NIPAL4: variants seen among roughly 807,000 people sequenced by gnomAD.
The protein encoded by NIPAL4 is NIPA like domain containing 4.
Under a neutral mutation model 31.6 loss-of-function variants are expected in NIPAL4, and 21 were observed. The observed-to-expected ratio is 0.67, with a 90% CI of 0.47 to 0.96. The LOEUF (loss-of-function observed/expected upper bound fraction) is 0.96. Among genes scored for constraint, NIPAL4 ranks in the 40% least tolerant of loss-of-function variants. The pLI is 0.00. For synonymous variants in NIPAL4, 175 were observed against 211.1 expected, an observed-to-expected ratio of 0.83 and a Z score of 1.48; for missense variants, 438 against 508.0, an observed-to-expected ratio of 0.86 and a Z score of 1.32.
chr5:157,468,691 T>C (rs749741705), intron 3 of NIPAL4, 31 bp from the exon 4 acceptor site: 5 of 1,350,294 alleles, frequency 3.7e-6, no homozygotes, highest in South Asian at 3.5e-5. Context: ...TTCTGCGCCA[T>C]GCTAGCCTCT....
In NIPAL4 at chr5:157,468,726, T is replaced by G; in HGVS notation, c.339T>G (p.Ala113=). 1 of 1,608,854 alleles carries G rather than the reference T, an allele frequency of 6.2e-7. No homozygotes were observed. The highest frequency in any genetic ancestry group is 8.5e-7 in the Non-Finnish European group (1 of 1,175,346). Residue 113 remains alanine, a synonymous_variant, in exon 4 of 6, where the codon GCT becomes GCG. Transcript: ENST00000311946. ...TTTTCTCCCTTCGTTTCCTAGTGGC[T>G]GCTGGAGAAGTTGCCAACTTTGGAG... ...AMWWAGFLTM[A]AGEVANFGAY...
In NIPAL4 at chr5:157,472,351, G is replaced by A. The variant is rs763244740; in HGVS notation, c.606G>A (p.Val202=). Reference sequence around the variant, plus strand: ...CCAAAGGGTTCATCGTGTTTGCTGTGCTTCTGCTGGTGTCATGCCTCATCC... The same window carrying A: ...CCAAAGGGTTCATCGTGTTTGCTGTACTTCTGCTGGTGTCATGCCTCATCC... The part of the protein sequence containing the change: ...MKDTGFIVFA[V]LLLVSCLILI... Residue 202 remains valine (V), a synonymous_variant, in exon 6 of 6, where the codon GTG becomes GTA. Coordinates refer to ENST00000311946, the MANE Select transcript of NIPAL4 (RefSeq NM_001099287.2). 6.2e-7 allele frequency: 1 copy of A among 1,605,392 alleles called. No homozygotes were observed. Among genetic ancestry groups the A allele is most frequent in the Admixed American group, 1.7e-5 (1 of 59,958 alleles).
intron 1 of NIPAL4, 93 bp downstream of exon 1, chr5:157,460,450 G>GGGGCCAAAGCTGGGGAGGGGCA (rs1754061761): frequency 7.6e-7 from 1 of 1,310,384 alleles, no homozygotes; most frequent in African/African-American, 1.5e-5. Flanking sequence ...TCCTCCCAGG[G>GGGGCCAAAGCTGGGGAGGGGCA]GGGCCAAAGC....
chr5:157,471,488 A>G (rs1187236846), intron 4 of NIPAL4, among the ~76,000 whole-genome samples, 169 bp from the exon 5 acceptor site: 2 of 152,060 alleles, frequency 1.3e-5, no homozygotes, highest in Non-Finnish European at 1.5e-5. Context: ...GGGAGGTCAC[A>G]TGATTTGCCC....
At chr5:157,466,477 T>C (rs1754275894) in intron 2 of NIPAL4, among the ~76,000 whole-genome samples, 1 of 151,974 alleles carries the variant, frequency 6.6e-6, no homozygotes, top group Non-Finnish European at 1.5e-5. Flanking sequence ...GAAAAATAGG[T>C]TATTAAAGGG....
At chr5:157,464,025 G>A (rs564201436) in intron 2 of NIPAL4, among the ~76,000 whole-genome samples, 31 of 152,162 alleles carry the variant, frequency 2.0e-4, no homozygotes, top group Non-Finnish European at 4.0e-4. Context: ...TTTATCATGT[G>A]TTAAGTGCCA....
At position 157,468,807 on chromosome 5, in the gene NIPAL4, CA is replaced by C. The variant is rs1754350429; in HGVS notation, c.421del (p.Ile141Ter). ...VTPLGALSVL[I>X]SAILSSYFLR... ...CGCCTCTGGGAGCGCTGAGTGTCCT[CA>C]TAAGGTTATTGTCCCCTCTCTAGCT... On this transcript the variant is annotated frameshift_variant, in exon 4 of 6. Transcript: ENST00000311946. LOFTEE classifies it high-confidence loss of function. The C allele has an allele frequency of 6.3e-7, 1 of 1,597,954 alleles. No individual in the cohort carries two copies. The highest frequency in any genetic ancestry group is 1.1e-5 in the South Asian group (1 of 89,550).
At chr5:157,469,960 G>T (rs772601830) in intron 4 of NIPAL4, among the ~76,000 whole-genome samples, 2 of 152,202 alleles carry the variant, frequency 1.3e-5, no homozygotes, top group Admixed American at 6.5e-5. Context: ...GAAGTTGGGA[G>T]AGCCATAAAA....
intron 2 of NIPAL4, among the ~76,000 whole-genome samples, chr5:157,463,644 C>T (rs1371936798): frequency 2.0e-5 from 3 of 152,138 alleles, no homozygotes; most frequent in African/African-American, 7.2e-5. Context: ...CATGTCTGGT[C>T]TTGGTCTTAC....
At chr5:157,461,791 G>C (rs1053481742) in intron 1 of NIPAL4, among the ~76,000 whole-genome samples, 1 of 152,232 alleles carries the variant, frequency 6.6e-6, no homozygotes, top group Non-Finnish European at 1.5e-5. Context: ...GGTGACTTAA[G>C]CAAGCTCTTC....
At chr5:157,468,943 G>C in intron 4 of NIPAL4, 131 bp downstream of exon 4, 1 of 626,402 alleles carries the variant, frequency 1.6e-6, no homozygotes, top group East Asian at 2.7e-5. Context: ...CCAGAAAGAG[G>C]CAGTGTGCTG....
chr5:157,466,052 AG>A (rs1754264616), intron 2 of NIPAL4, among the ~76,000 whole-genome samples: 1 of 75,796 alleles, frequency 1.3e-5, no homozygotes, highest in African/African-American at 4.8e-5. Context: ...GAGGGAAGGA[AG>A]AGAGAGAGAA....
chr5:157,471,991 G>C (rs563609873), intron 5 of NIPAL4, among the ~76,000 whole-genome samples, 174 bp downstream of exon 5: 125 of 152,244 alleles, frequency 8.2e-4, no homozygotes, highest in Middle Eastern at 3.4e-3. Context: ...TAGCTTAAAG[G>C]CTTCCTGGCC....
intron 4 of NIPAL4, among the ~76,000 whole-genome samples, chr5:157,469,994 T>C (rs1754380805): frequency 6.6e-6 from 1 of 152,202 alleles, no homozygotes; most frequent in Non-Finnish European, 1.5e-5. Flanking sequence ...GGCCCCTGCC[T>C]GCATGAATAA....
Position 157,467,192 on chromosome 5 carries a change from T to G in NIPAL4, c.334+87T>G. The G allele has an allele frequency of 7.4e-6, 7 of 949,814 alleles. No homozygotes were observed. The South Asian group carries it at 8.2e-5, about 11-fold the overall frequency. The allele number at this position is 949,814 out of a possible 1,614,324, so 58.8% of individuals were successfully genotyped here. ...GAGGGGTGGGTAGGGCATTTTTGTC[T>G]CTAGTATGGCAAGTGTGAATCTGAG... On this transcript the variant is annotated intron_variant, in intron 3 of 5. Transcript: ENST00000311946.
At chr5:157,460,617 G>C in intron 1 of NIPAL4, 1 of 524,930 alleles carries the variant, frequency 1.9e-6, no homozygotes, top group African/African-American at 1.9e-5. Flanking sequence ...TTAGTGGGGG[G>C]CAGGCATTTT....
chr5:157,472,274 C>T, intron 5 of NIPAL4, 58 bp from the exon 6 acceptor site: 1 of 1,519,862 alleles, frequency 6.6e-7, no homozygotes, highest in Non-Finnish European at 8.9e-7. Context: ...GAGTCTGGGC[C>T]CTAGACATTG....
At chr5:157,462,374 C>G (rs944990822) in intron 1 of NIPAL4, among the ~76,000 whole-genome samples, 1 of 152,146 alleles carries the variant, frequency 6.6e-6, no homozygotes, top group African/African-American at 2.4e-5. Context: ...CTCTTAGGGC[C>G]AGGCACGGTG....
intron 1 of NIPAL4, among the ~76,000 whole-genome samples, chr5:157,462,044 G>A (rs1482048430): frequency 2.0e-5 from 3 of 152,202 alleles, no homozygotes; most frequent in Non-Finnish European, 4.4e-5. Context: ...GAAATACTTG[G>A]TTGAGGCTTA....
Sources: allele counts gnomAD v4.1 joint callset (sites outside exome capture counted in the v4.1 genomes callset), GRCh38; gene constraint gnomAD v4.1.1; transcripts MANE v1.5; gene names NCBI Gene and HGNC (gene_info 2026-07-23, HGNC 2026-07-21).